The following NDUFC1 variants were observed in gnomAD, a reference collection of about 807,000 sequenced individuals.
NDUFC1 encodes NADH dehydrogenase [ubiquinone] 1 subunit C1, mitochondrial.
Under a neutral mutation model 11.6 loss-of-function variants are expected in NDUFC1, and 11 were observed. That is an observed-to-expected ratio of 0.95 (90% CI 0.60 to 1.58). The LOEUF (loss-of-function observed/expected upper bound fraction) is 1.58, where lower values mean the gene tolerates loss of function less well. Among genes scored for constraint, NDUFC1 ranks in the 40% most tolerant of loss-of-function variants. The pLI is 0.00. For synonymous variants in NDUFC1, 52 were observed against 42.2 expected (o/e 1.23, Z -0.90); for missense variants, 112 against 93.0 (o/e 1.20, Z -0.84).
Position 139,295,138 on chromosome 4 carries a change from G to A in NDUFC1, c.76C>T (p.Arg26Ter), listed in dbSNP as rs1745405320. 5 of 1,613,988 alleles carry A rather than the reference G, an allele frequency of 3.1e-6. No homozygotes were observed. The highest frequency in any genetic ancestry group is 1.7e-5 in the Admixed American group (1 of 60,016). The change falls in exon 4 of 6, where the codon CGA becomes TGA. Residue 26 changes from arginine to a stop codon, truncating the protein, a stop_gained. Transcript: ENST00000394223. LOFTEE classifies it high-confidence loss of function. ...GGCTCTCGCACGTAGAACTTTGATC[G>A]CACTGAAGCTGAAAGGGGAAGAGGG... is the stretch of plus-strand genomic sequence containing the variant. ...PARLPSGPSV[R>*]SKFYVREPPN...
intron 1 of NDUFC1, chr4:139,301,986 C>A: frequency 1.3e-6 from 1 of 765,474 alleles, no homozygotes; most frequent in Non-Finnish European, 2.0e-6. Context: ...TGCTCCCTCT[C>A]TGTGGTTCCT....
chr4:139,298,364 A>G (rs150526342), intron 1 of NDUFC1, among the ~76,000 whole-genome samples: 182 of 150,198 alleles, frequency 1.2e-3, no homozygotes, highest in African/African-American at 3.9e-3. Context: ...GCTTGAACCC[A>G]GGAGGCAGAG....
In NDUFC1 at chr4:139,295,750, CG is replaced by C; in HGVS notation, c.48del (p.Ala17ProfsTer26). 6.5e-7 allele frequency: 1 copy of C among 1,548,238 alleles called. No individual in the cohort carries two copies. The highest frequency in any genetic ancestry group is 2.1e-5 in the Admixed American group (1 of 48,488). ...TACTCACGGCCGCTCGGGAGCCTGG[CG>C]GGGGCCAGCAGCCGGGAAAGGGGAC... ...LLRPLSRLLA[P>X]ARLPSGPSVR... On this transcript the variant is annotated frameshift_variant, in exon 3 of 6. Coordinates refer to ENST00000394223, the MANE Select transcript of NDUFC1 (RefSeq NM_001184989.2). LOFTEE classifies it high-confidence loss of function.
intron 1 of NDUFC1, chr4:139,301,395 A>T: frequency 2.4e-6 from 1 of 424,708 alleles, no homozygotes; most frequent in East Asian, 3.5e-5. Flanking sequence ...GCCAGCCTCC[A>T]GGTTTCCCGG....
At chr4:139,301,324 G>A (rs1022789291) in intron 1 of NDUFC1, 31 of 399,788 alleles carry the variant, frequency 7.8e-5, no homozygotes, top group Admixed American at 5.2e-4. Flanking sequence ...GCGCTTCGAG[G>A]GTACCACGCA....
At chr4:139,293,041 G>C (rs1745300153) in intron 4 of NDUFC1, among the ~76,000 whole-genome samples, 1 of 151,916 alleles carries the variant, frequency 6.6e-6, no homozygotes, top group South Asian at 2.1e-4. Context: ...GGCTGGTCTC[G>C]AACTCTGAGC....
At chr4:139,301,594 G>GA in intron 1 of NDUFC1, 1 of 654,810 alleles carries the variant, frequency 1.5e-6, no homozygotes, top group Non-Finnish European at 2.6e-6. Context: ...AGTGAGAAAG[G>GA]AAAAAAGACA....
intron 4 of NDUFC1, among the ~76,000 whole-genome samples, chr4:139,294,067 G>A (rs181797337): frequency 6.7e-6 from 1 of 149,968 alleles, no homozygotes; most frequent in East Asian, 2.0e-4. Flanking sequence ...TCAGCCTCCT[G>A]AACAGCTGGG....
At chr4:139,295,213 A>G (rs1745410008) in intron 3 of NDUFC1, 67 bp from the exon 4 acceptor site, 1 of 1,207,012 alleles carries the variant, frequency 8.3e-7, no homozygotes, top group Admixed American at 1.7e-5. Context: ...CCTAACATTT[A>G]CGTGCGTATT....
intron 4 of NDUFC1, 148 bp from the exon 5 acceptor site, chr4:139,292,757 A>G (rs981152034): frequency 5.5e-5 from 21 of 379,044 alleles, no homozygotes; most frequent in Non-Finnish European, 9.3e-5. Context: ...CAGGAATGGT[A>G]TAAACTTGCT....
intron 3 of NDUFC1, among the ~76,000 whole-genome samples, 161 bp from the exon 4 acceptor site, chr4:139,295,307 G>T (rs1010000090): frequency 6.6e-6 from 1 of 152,078 alleles, no homozygotes; most frequent in Non-Finnish European, 1.5e-5. Flanking sequence ...CAAGTACCTC[G>T]CCCAGGGCCA....
intron 3 of NDUFC1, 73 bp from the exon 4 acceptor site, chr4:139,295,219 G>C (rs78883311): frequency 1.8e-6 from 2 of 1,142,618 alleles, no homozygotes; most frequent in East Asian, 2.4e-5. Flanking sequence ...ATTTACGTGC[G>C]TATTATCGCA....
intron 5 of NDUFC1, among the ~76,000 whole-genome samples, chr4:139,291,027 G>A (rs1426921511): frequency 2.6e-5 from 4 of 151,076 alleles, no homozygotes; most frequent in Non-Finnish European, 5.9e-5. Flanking sequence ...GGCCAGGCTG[G>A]TCTCTAACTC....
At chr4:139,294,089 CCTTCGCTA>C (rs1015869070) in intron 4 of NDUFC1, among the ~76,000 whole-genome samples, 6 of 151,822 alleles carry the variant, frequency 4.0e-5, no homozygotes, top group Non-Finnish European at 8.8e-5. Flanking sequence ...CTACAGGCGC[CCTTCGCTA>C]CACCTGGCTA....
rs75368104 is a variant in NDUFC1 at position 139,299,620 on chromosome 4, T to A, written c.-221-2177A>T. Among the ~76,000 whole-genome samples, 1,416 of 152,260 alleles carry A rather than the reference T, an allele frequency of 9.3e-3. 17 individuals are homozygous for A. The highest frequency in any genetic ancestry group is 0.032 in the African/African-American group (1,327 of 41,538). ...TGTGGTGATCAGAGTAAATATATAT[T>A]TTTTTATTCAATTCAGGCTACTGTG... On this transcript the variant is annotated intron_variant, in intron 1 of 5. Coordinates refer to ENST00000394223, the MANE Select transcript of NDUFC1 (RefSeq NM_001184989.2).
chr4:139,298,834 T>C (rs914920706), intron 1 of NDUFC1, among the ~76,000 whole-genome samples: 3 of 151,938 alleles, frequency 2.0e-5, no homozygotes, highest in African/African-American at 7.3e-5. Flanking sequence ...GCACCACACC[T>C]GGCAAATTTT....
chr4:139,294,751 A>G (rs1022307596), intron 4 of NDUFC1, among the ~76,000 whole-genome samples: 1 of 150,934 alleles, frequency 6.6e-6, no homozygotes, highest in Non-Finnish European at 1.5e-5. Context: ...AAAAAAAAAA[A>G]GTATAATTAC....
chr4:139,297,443 T>A lies in NDUFC1; in HGVS notation c.-221A>T, dbSNP rs765644271. The A allele has an allele frequency of 5.3e-5, 8 of 152,206 alleles. No homozygotes were observed. Among genetic ancestry groups the A allele is most frequent in the Non-Finnish European group, 1.2e-4 (8 of 68,044 alleles). The allele number at this position is 152,206 out of a possible 1,614,324, so 9.4% of individuals were successfully genotyped here. Reference sequence around the variant, plus strand: ...GTACCCAGCTGTATGTGAAACTGCATCTAGAAAAGAATCCTGATTAAGTAA... The same window carrying A: ...GTACCCAGCTGTATGTGAAACTGCAACTAGAAAAGAATCCTGATTAAGTAA... On this transcript the variant is annotated splice_region_variant and 5_prime_UTR_variant, in exon 2 of 6. It removes an upstream start codon present in the reference 5' UTR. Coordinates refer to ENST00000394223, the MANE Select transcript of NDUFC1 (RefSeq NM_001184989.2).
intron 4 of NDUFC1, 69 bp downstream of exon 4, chr4:139,294,974 C>T (rs1745394294): frequency 3.8e-5 from 44 of 1,166,556 alleles, no homozygotes; most frequent in Non-Finnish European, 5.5e-5. Context: ...ACCATTCAAT[C>T]TCGCAATGTT....
Sources: allele counts gnomAD v4.1 joint callset (sites outside exome capture counted in the v4.1 genomes callset), GRCh38; gene constraint gnomAD v4.1.1; transcripts MANE v1.5; gene names NCBI Gene and HGNC (gene_info 2026-07-23, HGNC 2026-07-21).